Variants in SLC25A21 observed in about 807,000 individuals in gnomAD.
SLC25A21 encodes the protein mitochondrial 2-oxodicarboxylate carrier.
A neutral mutation model predicts 43.8 loss-of-function variants in SLC25A21; 47 were observed. The observed-to-expected ratio is 1.07, with a 90% CI of 0.85 to 1.37. The LOEUF (loss-of-function observed/expected upper bound fraction) is 1.37. Ranked by LOEUF, SLC25A21 falls within the 40% of genes most tolerant of loss-of-function variation. The probability of loss-of-function intolerance (pLI) is 0.00; values close to 1 mark genes in which losing one functional copy is unlikely to be tolerated. For synonymous variants in SLC25A21, 131 were observed against 121.3 expected, an observed-to-expected ratio of 1.08 and a Z score of -0.52; for missense variants, 352 against 350.2, an observed-to-expected ratio of 1.00 and a Z score of -0.04.
chr14:36,941,830 A>C (rs1307155579), intron 1 of SLC25A21, among the ~76,000 whole-genome samples: 1 of 152,034 alleles, frequency 6.6e-6, no homozygotes, highest in East Asian at 1.9e-4. Flanking sequence ...GTGTGAAAAT[A>C]GTGTCTTTAT....
chr14:36,705,895 A>G (rs1241842909), intron 7 of SLC25A21, among the ~76,000 whole-genome samples: 1 of 152,220 alleles, frequency 6.6e-6, no homozygotes, highest in Non-Finnish European at 1.5e-5. Flanking sequence ...TACAGCAAAG[A>G]CGAAATAAGG....
At chr14:36,927,295 A>G (rs1255666183) in intron 1 of SLC25A21, among the ~76,000 whole-genome samples, 2 of 152,244 alleles carry the variant, frequency 1.3e-5, no homozygotes, top group African/African-American at 4.8e-5. Flanking sequence ...ATGAAAACCA[A>G]TTCAAATTAC....
chr14:36,771,689 T>C (rs1010206757), intron 3 of SLC25A21, among the ~76,000 whole-genome samples: 4 of 151,886 alleles, frequency 2.6e-5, no homozygotes, highest in African/African-American at 9.7e-5. Flanking sequence ...ACAAGCAAAA[T>C]TTCAAAACAT....
In SLC25A21 at chr14:36,678,428, G is replaced by C. The variant is rs1032508360; in HGVS notation, c.*2230C>G. On this transcript the variant is annotated 3_prime_UTR_variant, in exon 10 of 10. Coordinates refer to ENST00000331299, the MANE Select transcript of SLC25A21 (RefSeq NM_030631.4). ...AGCAGAAGGAGCAGATGAACTCTCA[G>C]GGCCATAGTCTTCCTTTGATCTTGT... 1.4e-6 allele frequency: 2 copies of C among 1,381,486 alleles called. No individual in the cohort carries two copies. Among genetic ancestry groups the C allele is most frequent in the African/African-American group, 2.9e-5 (2 of 69,842 alleles). The allele number at this position is 1,381,486 out of a possible 1,614,324, so 85.6% of individuals were successfully genotyped here.
chr14:36,963,451 C>T (rs1312359687), intron 1 of SLC25A21, among the ~76,000 whole-genome samples: 2 of 152,054 alleles, frequency 1.3e-5, no homozygotes, highest in Non-Finnish European at 2.9e-5. Context: ...ATGCAGGCAC[C>T]ATAATAGTGC....
chr14:36,742,935 T>A (rs2180090), intron 3 of SLC25A21, among the ~76,000 whole-genome samples: 79,948 of 152,094 alleles, frequency 0.53, 21,495 homozygotes, highest in African/African-American at 0.62. Flanking sequence ...TTTCAAACTG[T>A]ATGTTTAGTA....
chr14:36,857,683 A>T (rs1889939495), intron 2 of SLC25A21, among the ~76,000 whole-genome samples: 1 of 152,206 alleles, frequency 6.6e-6, no homozygotes, highest in African/African-American at 2.4e-5. Context: ...AGAGGAAAAC[A>T]GCTGCTTGTA....
At chr14:36,847,907 A>AGC (rs1889596161) in intron 2 of SLC25A21, among the ~76,000 whole-genome samples, 2 of 141,254 alleles carry the variant, frequency 1.4e-5, no homozygotes, top group Admixed American at 7.0e-5. Context: ...TAACTCTGGA[A>AGC]GCGGTATGAA....
At chr14:37,025,551 T>C (rs540122417) in intron 1 of SLC25A21, among the ~76,000 whole-genome samples, 1 of 152,290 alleles carries the variant, frequency 6.6e-6, no homozygotes, top group East Asian at 1.9e-4. Flanking sequence ...AATGTTTGTT[T>C]TGACACCAAG....
chr14:36,703,041 T>C lies in SLC25A21; in HGVS notation c.603+8277A>G, dbSNP rs763403. The stretch of plus-strand genomic sequence containing the variant: ...TTATAGATAATAGGTACTTGTAGTT[T>C]TTCCCCAGTGGTTTCTAGAAAGGAG... On this transcript the variant is annotated intron_variant, in intron 7 of 9. Coordinates refer to ENST00000331299, the MANE Select transcript of SLC25A21 (RefSeq NM_030631.4). Among the ~76,000 whole-genome samples the C allele has an allele frequency of 0.026, 3,943 of 152,306 alleles. 267 individuals are homozygous for C. The East Asian group carries it at 0.29, about 11-fold the overall frequency.
intron 1 of SLC25A21, among the ~76,000 whole-genome samples, chr14:36,931,596 T>G (rs539026407): frequency 2.0e-5 from 3 of 152,178 alleles, no homozygotes; most frequent in African/African-American, 7.2e-5. Context: ...TGGGGAGCCA[T>G]TCAAAGATTT....
intron 1 of SLC25A21, among the ~76,000 whole-genome samples, chr14:37,134,377 C>T (rs1370364279): frequency 6.6e-6 from 1 of 151,952 alleles, no homozygotes; most frequent in Non-Finnish European, 1.5e-5. Context: ...AATAATTATC[C>T]TTACGTCCTC....
chr14:37,144,784 GTT>G (rs11418098), intron 1 of SLC25A21, among the ~76,000 whole-genome samples: 123,584 of 151,474 alleles, frequency 0.82, 54,116 homozygotes, highest in Non-Finnish European at 0.98. Context: ...GTTGTTTTGG[GTT>G]TTTTTTTTTG....
chr14:36,892,679 C>T (rs1290430782), intron 1 of SLC25A21, among the ~76,000 whole-genome samples: 1 of 152,038 alleles, frequency 6.6e-6, no homozygotes, highest in Non-Finnish European at 1.5e-5. Context: ...GGTATATCTC[C>T]TAATGCTATC....
intron 1 of SLC25A21, among the ~76,000 whole-genome samples, chr14:36,994,144 A>G (rs1440318464): frequency 6.6e-6 from 1 of 152,184 alleles, no homozygotes; most frequent in Non-Finnish European, 1.5e-5. Context: ...TAGTAAATTA[A>G]GCCTAACTGG....
intron 1 of SLC25A21, among the ~76,000 whole-genome samples, chr14:36,978,968 A>G (rs1022887051): frequency 6.6e-6 from 1 of 152,178 alleles, no homozygotes; most frequent in Non-Finnish European, 1.5e-5. Flanking sequence ...CGCACCTGCA[A>G]TCCCAGCTAC....
intron 1 of SLC25A21, among the ~76,000 whole-genome samples, chr14:37,054,823 A>C (rs1961786246): frequency 6.6e-6 from 1 of 152,260 alleles, no homozygotes; most frequent in Non-Finnish European, 1.5e-5. Flanking sequence ...TCTCGCAGCA[A>C]AATAATCTCA....
chr14:36,682,794 C>T (rs1882340083), intron 9 of SLC25A21, among the ~76,000 whole-genome samples: 1 of 152,080 alleles, frequency 6.6e-6, no homozygotes, highest in South Asian at 2.1e-4. Context: ...TGTGTAAAGG[C>T]CTATAAAGAT....
intron 7 of SLC25A21, among the ~76,000 whole-genome samples, chr14:36,688,530 T>C (rs182531087): frequency 6.6e-6 from 1 of 152,294 alleles, no homozygotes; most frequent in African/African-American, 2.4e-5. Context: ...GTGGATGCCT[T>C]TGCAAGCCCC....
Sources: allele counts gnomAD v4.1 joint callset (sites outside exome capture counted in the v4.1 genomes callset), GRCh38; gene constraint gnomAD v4.1.1; transcripts MANE v1.5; gene names NCBI Gene and HGNC (gene_info 2026-07-23, HGNC 2026-07-21).